Variants in HEATR4 observed in about 807,000 individuals in gnomAD.
HEATR4 encodes HEAT repeat-containing protein 4.
A neutral mutation model predicts 108.8 loss-of-function variants in HEATR4; 95 were observed. The observed-to-expected ratio is 0.87, with a 90% CI of 0.74 to 1.04. The LOEUF (loss-of-function observed/expected upper bound fraction) is 1.04, where lower values mean the gene tolerates loss of function less well. HEATR4 is among the 50% of genes least tolerant of loss of function. The pLI, the probability that HEATR4 is intolerant of heterozygous loss-of-function variation, is 0.00. For missense variants in HEATR4, 1,152 were observed against 1,253.8 expected (o/e 0.92, Z 1.23); for synonymous variants, 443 against 459.4 (o/e 0.96, Z 0.46).
chr14:73,515,617 T>C (rs1309430819), intron 5 of HEATR4, among the ~76,000 whole-genome samples: 1 of 132,976 alleles, frequency 7.5e-6, no homozygotes, highest in Non-Finnish European at 1.5e-5. Context: ...GAGGCGGAGG[T>C]TGTAGTGAGC....
At chr14:73,500,196 C>T (rs1396734405) in intron 12 of HEATR4, among the ~76,000 whole-genome samples, 3 of 151,944 alleles carry the variant, frequency 2.0e-5, no homozygotes, top group African/African-American at 4.8e-5. Flanking sequence ...CGCCACTGCA[C>T]TCCAGCTTGG....
chr14:73,612,933 G>C, the HEATR4 span: 1 of 1,332,592 alleles, frequency 7.5e-7, no homozygotes, highest in African/African-American at 1.5e-5. Flanking sequence ...CGGCTGCTGT[G>C]CCTGGCGCAG....
chr14:73,506,377 T>G, intron 10 of HEATR4, 90 bp downstream of exon 10: 1 of 829,988 alleles, frequency 1.2e-6, no homozygotes. Context: ...TTGGTAAGAA[T>G]GGAATAATAC....
intron 5 of HEATR4, among the ~76,000 whole-genome samples, chr14:73,518,488 T>C (rs1426929985): frequency 1.3e-5 from 2 of 152,186 alleles, no homozygotes; most frequent in African/African-American, 4.8e-5. Context: ...ACAGTAATCC[T>C]ACAAAGAGTC....
At chr14:73,528,716 CAT>C (rs1261640841) in intron 2 of HEATR4, among the ~76,000 whole-genome samples, 4 of 152,160 alleles carry the variant, frequency 2.6e-5, no homozygotes, top group Non-Finnish European at 4.4e-5. Context: ...AAATCAGAAA[CAT>C]GTATGAAAGT....
chr14:73,562,557 CAG>C (rs1054607443), upstream of HEATR4, among the ~76,000 whole-genome samples: 3 of 151,968 alleles, frequency 2.0e-5, no homozygotes, highest in Non-Finnish European at 4.4e-5. Flanking sequence ...TTTCTTCTTG[CAG>C]AGAGCCTACA....
chr14:73,493,648 G>A (rs1212317606), intron 16 of HEATR4, among the ~76,000 whole-genome samples: 6 of 152,134 alleles, frequency 3.9e-5, no homozygotes, highest in South Asian at 2.1e-4. Flanking sequence ...GACCAGCCTG[G>A]CCAACATGGC....
chr14:73,612,232 G>A, the HEATR4 span, among the ~76,000 whole-genome samples: 5 of 152,034 alleles, frequency 3.3e-5, no homozygotes, highest in Non-Finnish European at 7.4e-5. Flanking sequence ...TAGAGATGAG[G>A]TTTCACTCTG....
intron 17 of HEATR4, among the ~76,000 whole-genome samples, chr14:73,484,428 G>A (rs1258658689): frequency 6.6e-6 from 1 of 151,960 alleles, no homozygotes; most frequent in Non-Finnish European, 1.5e-5. Context: ...GCCCAGGCTG[G>A]AGTGCAGTGG....
chr14:73,595,001 A>G, the HEATR4 span: 1 of 1,598,614 alleles, frequency 6.3e-7, no homozygotes. Context: ...CACCGCACCC[A>G]ATCTGGATAA....
intron 10 of HEATR4, among the ~76,000 whole-genome samples, chr14:73,504,194 G>A (rs1395176747): frequency 6.7e-6 from 1 of 149,028 alleles, no homozygotes; most frequent in Non-Finnish European, 1.5e-5. Flanking sequence ...TCTCCTGCCT[G>A]AGCCTCCTGA....
chr14:73,590,046 T>C, the HEATR4 span, among the ~76,000 whole-genome samples: 1 of 152,192 alleles, frequency 6.6e-6, no homozygotes, highest in Non-Finnish European at 1.5e-5. Context: ...CTGAGCTACC[T>C]TTATTACAAA....
At chr14:73,479,859 G>A (rs746066549) in intron 17 of HEATR4, among the ~76,000 whole-genome samples, 4 of 152,110 alleles carry the variant, frequency 2.6e-5, no homozygotes, top group African/African-American at 4.8e-5. Flanking sequence ...ACAGGCGTGA[G>A]CCACCATGCC....
the HEATR4 span, among the ~76,000 whole-genome samples, chr14:73,623,224 C>T: frequency 0.097 from 14,821 of 152,060 alleles, 1,040 homozygotes; most frequent in Non-Finnish European, 0.14. Context: ...TAGTGGTTTA[C>T]GCAAAGAAGG....
chr14:73,520,748 G>C, intron 4 of HEATR4, 104 bp downstream of exon 4: 1 of 1,065,826 alleles, frequency 9.4e-7, no homozygotes, highest in Non-Finnish European at 1.4e-6. Flanking sequence ...GGGTCATCCA[G>C]GGCCTCTTGT....
At chr14:73,612,524 C>T in the HEATR4 span, 2 of 1,187,084 alleles carry the variant, frequency 1.7e-6, no homozygotes, top group Non-Finnish European at 2.2e-6. Flanking sequence ...GCCAGGCCCG[C>T]CCACTGACTC....
At position 73,514,925 on chromosome 14, in the gene HEATR4, G is replaced by A. The variant is rs150948341; in HGVS notation, c.1211-691C>T. On this transcript the variant is annotated intron_variant, in intron 5 of 17. Transcript: ENST00000553558. Reference sequence around the variant, plus strand: ...TCTACTAAAATACAAAAAATTGGCCGGGCATGGTGGCATGTGCTTGTAGTC... The same window carrying A: ...TCTACTAAAATACAAAAAATTGGCCAGGCATGGTGGCATGTGCTTGTAGTC... Among the ~76,000 whole-genome samples, 1,220 of 152,050 alleles carry A rather than the reference G, an allele frequency of 8.0e-3. 31 individuals carry two copies. Among genetic ancestry groups the A allele is most frequent in the East Asian group, 0.044 (228 of 5,164 alleles).
the HEATR4 span, among the ~76,000 whole-genome samples, chr14:73,586,235 C>T: frequency 2.7e-5 from 4 of 147,182 alleles, no homozygotes; most frequent in African/African-American, 5.1e-5. Context: ...CACTACTAAA[C>T]ATACAAAATT....
chr14:73,493,269 AT>A (rs966401722), intron 16 of HEATR4, 145 bp from the exon 17 acceptor site: 32 of 638,020 alleles, frequency 5.0e-5, no homozygotes, highest in Admixed American at 6.6e-5. Flanking sequence ...CAGATATTAG[AT>A]TTTTTTTGGA....
Sources: gnomAD v4.1 joint callset for allele counts (sites outside exome capture counted in the v4.1 genomes callset) on GRCh38, gnomAD v4.1.1 for gene constraint, MANE v1.5 for transcripts, NCBI Gene and HGNC (gene_info 2026-07-23, HGNC 2026-07-21) for gene names.